PHLDB2: variants seen among roughly 807,000 people sequenced by gnomAD.
PHLDB2 encodes the protein pleckstrin homology-like domain family B member 2.
A neutral mutation model predicts 123.6 loss-of-function variants in PHLDB2; 71 were observed. The observed-to-expected ratio is 0.57, with a 90% CI of 0.47 to 0.70. The LOEUF (loss-of-function observed/expected upper bound fraction) is 0.70, where lower values mean the gene tolerates loss of function less well. Ranked by LOEUF, PHLDB2 falls within the 30% of genes least tolerant of loss-of-function variation. PHLDB2 has a pLI of 0.00. For synonymous variants in PHLDB2, 547 were observed against 541.6 expected (o/e 1.01, Z -0.14); for missense variants, 1,446 against 1,519.5 (o/e 0.95, Z 0.80).
chr3:111,893,900 T>TTTTATTTATTTATTTA (rs146051192), intron 2 of PHLDB2, among the ~76,000 whole-genome samples: 64 of 136,632 alleles, frequency 4.7e-4, no homozygotes, highest in South Asian at 1.2e-3. Context: ...TTGGATTTAT[T>TTTTATTTATTTATTTA]TTTATTTATT....
At chr3:111,819,627 C>A (rs1312069138) in intron 1 of PHLDB2, among the ~76,000 whole-genome samples, 1 of 152,128 alleles carries the variant, frequency 6.6e-6, no homozygotes, top group Non-Finnish European at 1.5e-5. Flanking sequence ...GCCCAAAAAA[C>A]CAAAGTGGGT....
intron 1 of PHLDB2, among the ~76,000 whole-genome samples, chr3:111,786,563 T>C (rs2060688209): frequency 6.6e-6 from 1 of 152,160 alleles, no homozygotes; most frequent in Non-Finnish European, 1.5e-5. Context: ...AGTAAATAAC[T>C]ATTGTTACTT....
intron 1 of PHLDB2, among the ~76,000 whole-genome samples, chr3:111,736,815 C>T (rs2059516148): frequency 6.6e-6 from 1 of 152,152 alleles, no homozygotes; most frequent in Non-Finnish European, 1.5e-5. Flanking sequence ...TTAATAAAAT[C>T]TTCCTTAAAG....
At chr3:111,909,035 C>T (rs996337273) in intron 2 of PHLDB2, among the ~76,000 whole-genome samples, 2 of 152,192 alleles carry the variant, frequency 1.3e-5, no homozygotes, top group African/African-American at 4.8e-5. Context: ...GACCCCATCT[C>T]TCTAGCCACA....
intron 17 of PHLDB2, 51 bp downstream of exon 17, chr3:111,973,868 G>C: frequency 8.8e-7 from 1 of 1,138,812 alleles, no homozygotes; most frequent in African/African-American, 1.5e-5. Flanking sequence ...AATTAAGAAG[G>C]GAAAAATATT....
At chr3:111,757,985 G>C (rs924697703) in intron 1 of PHLDB2, among the ~76,000 whole-genome samples, 7 of 152,140 alleles carry the variant, frequency 4.6e-5, no homozygotes, top group African/African-American at 1.7e-4. Flanking sequence ...GGAGTACCCG[G>C]CCGTGTGAGG....
intron 1 of PHLDB2, among the ~76,000 whole-genome samples, chr3:111,750,039 G>A (rs1472025444): frequency 6.6e-6 from 1 of 152,164 alleles, no homozygotes; most frequent in East Asian, 1.9e-4. Flanking sequence ...CATTGAAACT[G>A]CATATTATCA....
intron 2 of PHLDB2, among the ~76,000 whole-genome samples, chr3:111,852,376 C>A (rs1335620248): frequency 4.1e-5 from 6 of 147,812 alleles, no homozygotes; most frequent in Admixed American, 2.7e-4. Flanking sequence ...ATTATATATA[C>A]ATAAATTAAT....
chr3:111,952,679 C>A lies in PHLDB2; in HGVS notation c.2739C>A (p.Ser913Arg). ...KTTSSISPHF[S>R]SATMGRSITP... ...CATCTTCCATCTCCCCACATTTCAGCAGTGCTACTATGGGGAGAAGCATCA... is the reference window on the plus strand; with the variant it reads ...CATCTTCCATCTCCCCACATTTCAGAAGTGCTACTATGGGGAGAAGCATCA... Residue 913 changes from serine (S) to arginine (R), a missense_variant, in exon 11 of 18, where the codon AGC (serine) becomes AGA (arginine). Physicochemically the swap from Ser to Arg is moderately radical, Grantham distance 110. Transcript: ENST00000431670. 4 of 1,613,932 alleles carry A rather than the reference C, an allele frequency of 2.5e-6. No homozygotes were observed. The highest frequency in any genetic ancestry group is 3.4e-6 in the Non-Finnish European group (4 of 1,179,892).
At chr3:111,868,837 G>A (rs1392902245) in intron 1 of PHLDB2, among the ~76,000 whole-genome samples, 1 of 152,114 alleles carries the variant, frequency 6.6e-6, no homozygotes, top group Non-Finnish European at 1.5e-5. Flanking sequence ...CCCCCAACCT[G>A]TCCTCTTCAC....
chr3:111,867,419 T>G (rs538283183), intron 1 of PHLDB2, among the ~76,000 whole-genome samples: 1 of 150,434 alleles, frequency 6.6e-6, no homozygotes, highest in Non-Finnish European at 1.5e-5. Context: ...TATACTAAAA[T>G]AATAATAAAA....
At chr3:111,812,681 T>C (rs1297901720) in intron 1 of PHLDB2, among the ~76,000 whole-genome samples, 1 of 152,174 alleles carries the variant, frequency 6.6e-6, no homozygotes, top group Non-Finnish European at 1.5e-5. Flanking sequence ...TTCATTAAGA[T>C]TTTTTCCCTG....
chr3:111,758,471 G>T (rs1393825176), intron 1 of PHLDB2, among the ~76,000 whole-genome samples: 1 of 152,198 alleles, frequency 6.6e-6, no homozygotes, highest in Non-Finnish European at 1.5e-5. Flanking sequence ...CGCAGTATTA[G>T]GGTGGGAGTG....
chr3:111,952,497 A>G, intron 10 of PHLDB2, 75 bp from the exon 11 acceptor site: 3 of 1,513,948 alleles, frequency 2.0e-6, no homozygotes, highest in Non-Finnish European at 2.7e-6. Context: ...TTGTAAGTGC[A>G]TAATTCTTCA....
chr3:111,949,349 T>G (rs1232216124), intron 10 of PHLDB2, among the ~76,000 whole-genome samples: 1 of 152,150 alleles, frequency 6.6e-6, no homozygotes, highest in Non-Finnish European at 1.5e-5. Flanking sequence ...GCACTCTAAC[T>G]CAACTTAGTT....
At chr3:111,907,800 C>T (rs367758821) in intron 2 of PHLDB2, among the ~76,000 whole-genome samples, 1 of 151,918 alleles carries the variant, frequency 6.6e-6, no homozygotes, top group Non-Finnish European at 1.5e-5. Context: ...CTATTTTTTT[C>T]TGTTTTGTTT....
At chr3:111,973,483 A>G (rs1442096730) in intron 16 of PHLDB2, among the ~76,000 whole-genome samples, 2 of 152,138 alleles carry the variant, frequency 1.3e-5, no homozygotes, top group South Asian at 2.1e-4. Flanking sequence ...TTTGACTGCT[A>G]ATCTGCTGGA....
chr3:111,795,978 C>T (rs889561133), intron 1 of PHLDB2, among the ~76,000 whole-genome samples: 2 of 152,186 alleles, frequency 1.3e-5, no homozygotes, highest in Non-Finnish European at 2.9e-5. Flanking sequence ...CTGACTGCAA[C>T]CTCCGCCCTC....
At chr3:111,855,788 G>T (rs1170211339), upstream of PHLDB2, among the ~76,000 whole-genome samples, 1 of 151,822 alleles carries the variant, frequency 6.6e-6, no homozygotes, top group African/African-American at 2.4e-5. Flanking sequence ...GCACCACCAT[G>T]CCCGGCTAAT....
Sources: allele counts gnomAD v4.1 joint callset (sites outside exome capture counted in the v4.1 genomes callset), GRCh38; gene constraint gnomAD v4.1.1; transcripts MANE v1.5; gene names NCBI Gene and HGNC (gene_info 2026-07-23, HGNC 2026-07-21).